The following CNTLN variants were observed in gnomAD, a reference collection of about 807,000 sequenced individuals.
CNTLN encodes the protein centlein, centrosomal protein.
Under a neutral mutation model 180.0 loss-of-function variants are expected in CNTLN, and 212 were observed. The observed-to-expected ratio is 1.18, with a 90% CI of 1.05 to 1.32. The LOEUF is 1.32. CNTLN is among the 40% of genes most tolerant of loss of function. The pLI is 0.00. For missense variants in CNTLN, 2,095 were observed against 1,610.9 expected (o/e 1.30, Z -5.14); for synonymous variants, 722 against 563.1 (o/e 1.28, Z -3.99).
At chr9:17,505,708 A>G (rs1358394805), downstream of CNTLN, among the ~76,000 whole-genome samples, 4 of 152,288 alleles carry the variant, frequency 2.6e-5, no homozygotes, top group East Asian at 3.9e-4. Context: ...GCTGTCTCCA[A>G]ATTTATATAG....
intron 2 of CNTLN, among the ~76,000 whole-genome samples, chr9:17,218,674 A>G (rs1368802746): frequency 2.0e-5 from 3 of 152,160 alleles, no homozygotes; most frequent in Non-Finnish European, 4.4e-5. Flanking sequence ...CAAATGAAAG[A>G]AAACGTTAGT....
intron 2 of CNTLN, among the ~76,000 whole-genome samples, chr9:17,145,738 C>T (rs547062908): frequency 2.6e-5 from 4 of 152,232 alleles, no homozygotes; most frequent in South Asian, 2.1e-4. Context: ...GTTTTCTTTT[C>T]GTTGTACAGC....
intron 13 of CNTLN, among the ~76,000 whole-genome samples, chr9:17,371,210 C>G (rs1824288475): frequency 6.6e-6 from 1 of 152,084 alleles, no homozygotes; most frequent in South Asian, 2.1e-4. Flanking sequence ...ATCAGAGCCA[C>G]TCTCTGTTGT....
chr9:17,241,380 A>G (rs1265466642), intron 5 of CNTLN, among the ~76,000 whole-genome samples: 1 of 152,072 alleles, frequency 6.6e-6, no homozygotes, highest in Non-Finnish European at 1.5e-5. Flanking sequence ...GTATCACTAT[A>G]TTTCTGAGTT....
rs369230798 is a variant in CNTLN at position 17,475,613 on chromosome 9, C to T, written c.3856-8682C>T. Among the ~76,000 whole-genome samples, 5 of 152,108 alleles carry T rather than the reference C, an allele frequency of 3.3e-5. No individual in the cohort carries two copies. The East Asian group carries it at 7.8e-4, about 24-fold the overall frequency. ...AGGGGCCGGGCACAGTGGCTCACGT[C>T]TGTAATCCTAGCACTTCGGGAGGCC... On this transcript the variant is annotated intron_variant, in intron 23 of 25. Transcript: ENST00000380647.
At chr9:17,204,755 A>G (rs1339823056) in intron 2 of CNTLN, among the ~76,000 whole-genome samples, 1 of 152,174 alleles carries the variant, frequency 6.6e-6, no homozygotes, top group Non-Finnish European at 1.5e-5. Context: ...GTTGGCAGCC[A>G]GGAAAGATTA....
intron 1 of CNTLN, among the ~76,000 whole-genome samples, chr9:17,141,602 G>A (rs1453800129): frequency 6.6e-6 from 1 of 152,154 alleles, no homozygotes; most frequent in Non-Finnish European, 1.5e-5. Context: ...TAATTTAATG[G>A]AAACTCACTG....
chr9:17,177,136 G>A (rs561391214), intron 2 of CNTLN, among the ~76,000 whole-genome samples: 6 of 152,040 alleles, frequency 3.9e-5, no homozygotes, highest in East Asian at 3.9e-4. Context: ...TTGGCTGGGC[G>A]CGGTGGCTCA....
rs199675861 is a variant in CNTLN, at chr9:17,203,307, A to C, written c.450-22896A>C. Among the ~76,000 whole-genome samples the C allele has an allele frequency of 3.3e-5, 5 of 152,108 alleles. No homozygotes were observed. The South Asian group carries it at 1.0e-3, about 32-fold the overall frequency. Reference sequence around the variant, plus strand: ...TTCAACGTTGGAGAATCTGACGGTTATGTGTCTTGTGGTTGCTCTTCTTGA... The same window carrying C: ...TTCAACGTTGGAGAATCTGACGGTTCTGTGTCTTGTGGTTGCTCTTCTTGA... On this transcript the variant is annotated intron_variant, in intron 2 of 25. Transcript: ENST00000380647.
downstream of CNTLN, among the ~76,000 whole-genome samples, chr9:17,505,962 A>G (rs1050242406): frequency 1.3e-5 from 2 of 152,112 alleles, no homozygotes; most frequent in African/African-American, 4.8e-5. Flanking sequence ...TAGAGAACCA[A>G]GAAATACACC....
chr9:17,354,731 G>C, intron 12 of CNTLN, among the ~76,000 whole-genome samples: 1 of 152,142 alleles, frequency 6.6e-6, no homozygotes. Flanking sequence ...GGTGGGGCCA[G>C]ATAAGAGAAT....
In CNTLN at chr9:17,317,174, G is replaced by A. The variant is rs148287931; in HGVS notation, c.1341+7922G>A. On this transcript the variant is annotated intron_variant, in intron 8 of 25. Transcript: ENST00000380647. Reference sequence around the variant, plus strand: ...CATACATATGTGGAGTTTGAAAATCGTGTGAATGAATAATAGATGGATACT... The same window carrying A: ...CATACATATGTGGAGTTTGAAAATCATGTGAATGAATAATAGATGGATACT... Among the ~76,000 whole-genome samples, 243 of 151,994 alleles carry A rather than the reference G, an allele frequency of 1.6e-3. 2 individuals carry two copies. The highest frequency in any genetic ancestry group is 4.1e-4 in the South Asian group (2 of 4,820).
intron 2 of CNTLN, among the ~76,000 whole-genome samples, chr9:17,208,744 G>C (rs192788015): frequency 6.6e-6 from 1 of 151,958 alleles, no homozygotes; most frequent in Non-Finnish European, 1.5e-5. Context: ...CCAATTTATC[G>C]GCGTATAGTT....
intron 2 of CNTLN, among the ~76,000 whole-genome samples, chr9:17,193,947 GC>G (rs1821956273): frequency 6.6e-6 from 1 of 152,012 alleles, no homozygotes; most frequent in Admixed American, 6.5e-5. Flanking sequence ...TGCAGGCTCA[GC>G]ACCACATGGA....
intron 25 of CNTLN, among the ~76,000 whole-genome samples, chr9:17,502,122 G>T (rs1174664864): frequency 6.6e-6 from 1 of 152,042 alleles, no homozygotes; most frequent in Non-Finnish European, 1.5e-5. Flanking sequence ...GAGATTTTCG[G>T]CTCTAACGCA....
chr9:17,166,974 T>C (rs1367223646), intron 2 of CNTLN: 1 of 417,266 alleles, frequency 2.4e-6, no homozygotes, highest in Non-Finnish European at 4.8e-6. Context: ...GCAGTAGTTC[T>C]CAATGAAGCA....
At chr9:17,527,129 T>A in the CNTLN span, among the ~76,000 whole-genome samples, 202 of 152,172 alleles carry the variant, frequency 1.3e-3, no homozygotes, top group African/African-American at 4.8e-3. Flanking sequence ...GTGATCCGCC[T>A]ACCTCAGCCT....
At chr9:17,269,232 T>C (rs112674051) in intron 5 of CNTLN, among the ~76,000 whole-genome samples, 1 of 150,556 alleles carries the variant, frequency 6.6e-6, no homozygotes. Context: ...TTATTTAAAA[T>C]TTTTTTTCTA....
intron 13 of CNTLN, among the ~76,000 whole-genome samples, chr9:17,384,285 A>G (rs1229850670): frequency 1.9e-5 from 1 of 51,348 alleles, no homozygotes; most frequent in Non-Finnish European, 5.9e-5. Context: ...TACAATAAAT[A>G]AAATGAAAAA....
Sources: gnomAD v4.1 joint callset for allele counts (sites outside exome capture counted in the v4.1 genomes callset) on GRCh38, gnomAD v4.1.1 for gene constraint, MANE v1.5 for transcripts, NCBI Gene and HGNC (gene_info 2026-07-23, HGNC 2026-07-21) for gene names.